The following LIPA variants were observed in gnomAD, a reference collection of about 807,000 sequenced individuals.
LIPA encodes the protein lysosomal acid lipase/cholesteryl ester hydrolase.
LIPA carries 26 observed loss-of-function variants against 40.6 expected under a neutral mutation model. The observed-to-expected ratio is 0.64, with a 90% CI of 0.47 to 0.89. The LOEUF is 0.89. LIPA is among the 40% of genes least tolerant of loss of function. The probability of loss-of-function intolerance (pLI) is 0.00; values close to 1 mark genes in which losing one functional copy is unlikely to be tolerated. For synonymous variants in LIPA, 188 were observed against 168.4 expected, an observed-to-expected ratio of 1.12 and a Z score of -0.90; for missense variants, 455 against 479.6, an observed-to-expected ratio of 0.95 and a Z score of 0.48.
chr10:89,354,604 G>A (rs1843979709), intron 2 of LIPA, among the ~76,000 whole-genome samples: 1 of 152,178 alleles, frequency 6.6e-6, no homozygotes, highest in Admixed American at 6.5e-5. Flanking sequence ...GGCTGACTGT[G>A]TCGCCCAAGT....
At chr10:89,255,664 A>G (rs1452662227), upstream of LIPA, among the ~76,000 whole-genome samples, 1 of 152,204 alleles carries the variant, frequency 6.6e-6, no homozygotes, top group African/African-American at 2.4e-5. Flanking sequence ...GAATACAGGT[A>G]TGAGAGGGAC....
intron 2 of LIPA, among the ~76,000 whole-genome samples, chr10:89,376,665 G>A (rs1429763291): frequency 6.6e-6 from 1 of 152,190 alleles, no homozygotes; most frequent in Non-Finnish European, 1.5e-5. Context: ...TTTCCAACTG[G>A]ATTCGAAAAT....
At chr10:89,324,182 A>AT (rs768444379) in intron 1 of LIPA, among the ~76,000 whole-genome samples, 1 of 152,214 alleles carries the variant, frequency 6.6e-6, no homozygotes, top group Non-Finnish European at 1.5e-5. Context: ...AAACAGACAC[A>AT]TAGACCAATG....
At chr10:89,265,790 C>T (rs1378040287) in intron 1 of LIPA, among the ~76,000 whole-genome samples, 1 of 152,190 alleles carries the variant, frequency 6.6e-6, no homozygotes, top group Non-Finnish European at 1.5e-5. Context: ...TAAAATAGCT[C>T]ACTAGTTAAT....
At chr10:89,272,813 A>G (rs1341322346) in intron 1 of LIPA, among the ~76,000 whole-genome samples, 1 of 152,218 alleles carries the variant, frequency 6.6e-6, no homozygotes, top group Non-Finnish European at 1.5e-5. Context: ...ATGATATTTC[A>G]TTGTGGTTTT....
chr10:89,376,309 T>C (rs1375246935), intron 2 of LIPA, among the ~76,000 whole-genome samples: 1 of 151,882 alleles, frequency 6.6e-6, no homozygotes, highest in African/African-American at 2.4e-5. Flanking sequence ...CTTCCTTGAA[T>C]AGACGTGGAG....
intron 1 of LIPA, among the ~76,000 whole-genome samples, chr10:89,296,980 A>G (rs549313090): frequency 2.2e-4 from 34 of 152,322 alleles, no homozygotes; most frequent in Admixed American, 1.8e-3. Flanking sequence ...ATGGCTGACT[A>G]GAGACATCAG....
Position 89,228,184 on chromosome 10 carries a change from A to G in LIPA, c.428+16T>C. ...ACTAAGGAAATACATCCATGCCATT[A>G]TCAATTCATATATACCTGAAAGCCC... On this transcript the variant is annotated intron_variant, in intron 4 of 9. Transcript: ENST00000336233. 1 of 1,603,740 alleles carries G rather than the reference A, an allele frequency of 6.2e-7. No homozygotes were observed. Among genetic ancestry groups the G allele is most frequent in the Non-Finnish European group, 8.5e-7 (1 of 1,170,574 alleles).
At chr10:89,223,265 C>T (rs796669544) in intron 7 of LIPA, among the ~76,000 whole-genome samples, 5 of 145,372 alleles carry the variant, frequency 3.4e-5, no homozygotes, top group African/African-American at 1.0e-4. Context: ...GATCCCATAA[C>T]CACAGTACTC....
intron 1 of LIPA, among the ~76,000 whole-genome samples, chr10:89,326,037 CA>C (rs1843596804): frequency 6.6e-6 from 1 of 152,040 alleles, no homozygotes; most frequent in South Asian, 2.1e-4. Context: ...GGAGGTTCCT[CA>C]AAAGACTAAA....
At chr10:89,397,128 G>A (rs139918169) in intron 2 of LIPA, among the ~76,000 whole-genome samples, 23 of 152,134 alleles carry the variant, frequency 1.5e-4, no homozygotes, top group Non-Finnish European at 2.8e-4. Context: ...GTAGTCTAGT[G>A]GCTACATAAT....
At chr10:89,260,957 C>T (rs1305455194) in intron 1 of LIPA, among the ~76,000 whole-genome samples, 6 of 152,184 alleles carry the variant, frequency 3.9e-5, no homozygotes, top group Non-Finnish European at 8.8e-5. Flanking sequence ...TCAGTTTCAT[C>T]ACAAAAGGTG....
intron 1 of LIPA, among the ~76,000 whole-genome samples, chr10:89,304,708 G>A (rs1306128167): frequency 2.0e-5 from 3 of 152,124 alleles, no homozygotes; most frequent in Non-Finnish European, 2.9e-5. Context: ...AAAGTAATTC[G>A]AAATACAGGC....
At chr10:89,401,450 C>G (rs1322543542) in intron 2 of LIPA, among the ~76,000 whole-genome samples, 4 of 151,930 alleles carry the variant, frequency 2.6e-5, no homozygotes, top group Non-Finnish European at 5.9e-5. Flanking sequence ...GACAAAATTA[C>G]AGAGATGAAG....
At position 89,402,378 on chromosome 10, in the gene LIPA, T is replaced by C. The variant is rs1037073166; in HGVS notation, c.61+10413A>G. 6 of 1,614,046 alleles carry C rather than the reference T, an allele frequency of 3.7e-6. No homozygotes were observed. In the African/African-American group the frequency reaches 8.0e-5, roughly 22 times the overall value. ...CATTGATGACGATGAAATGCCTGAT[T>C]TAGAAAACAGAGTCTTGGATCAGAT... On this transcript the variant is annotated intron_variant, in intron 2 of 8. Coordinates refer to the LIPA transcript ENST00000371837.
At chr10:89,296,735 G>A (rs573952879) in intron 1 of LIPA, among the ~76,000 whole-genome samples, 6 of 152,186 alleles carry the variant, frequency 3.9e-5, no homozygotes, top group African/African-American at 1.4e-4. Flanking sequence ...CAGTTTTGCT[G>A]GAGAATGTGT....
intron 1 of LIPA, chr10:89,293,454 TC>T (rs1370023599): frequency 6.6e-6 from 1 of 152,212 alleles, no homozygotes; most frequent in Non-Finnish European, 1.5e-5. Context: ...CTCTTTTTTT[TC>T]CCCATGGACT....
At chr10:89,297,702 G>A (rs565172886) in intron 1 of LIPA, among the ~76,000 whole-genome samples, 2 of 152,284 alleles carry the variant, frequency 1.3e-5, no homozygotes, top group South Asian at 2.1e-4. Context: ...CTCTGTACTC[G>A]GCCTCACAAG....
At chr10:89,402,229 T>G in intron 2 of LIPA, 1 of 1,203,348 alleles carries the variant, frequency 8.3e-7, no homozygotes, top group South Asian at 1.4e-5. Flanking sequence ...TCTGACTTTT[T>G]TCTTTTAGCT....
Sources: gnomAD v4.1 joint callset for allele counts (sites outside exome capture counted in the v4.1 genomes callset) on GRCh38, gnomAD v4.1.1 for gene constraint, MANE v1.5 for transcripts, NCBI Gene and HGNC (gene_info 2026-07-23, HGNC 2026-07-21) for gene names.